OXR1: variants seen among roughly 807,000 people sequenced by gnomAD.
OXR1 encodes the protein oxidation resistance protein 1.
In OXR1, 41 loss-of-function variants were observed where a neutral mutation model predicts 104.6. The observed-to-expected ratio is 0.39, with a 90% CI of 0.31 to 0.51. The LOEUF is 0.51. Ranked by LOEUF, OXR1 falls within the 20% of genes least tolerant of loss-of-function variation. The pLI, the probability that OXR1 is intolerant of heterozygous loss-of-function variation, is 0.77. For synonymous variants in OXR1, 348 were observed against 348.4 expected, an observed-to-expected ratio of 1.00 and a Z score of 0.01; for missense variants, 955 against 1,031.9, an observed-to-expected ratio of 0.93 and a Z score of 1.02.
intron 3 of OXR1, among the ~76,000 whole-genome samples, chr8:106,598,741 A>C (rs1379757455): frequency 2.0e-5 from 3 of 152,258 alleles, no homozygotes; most frequent in Non-Finnish European, 2.9e-5. Context: ...ATTCATATTT[A>C]CATAGTCCAG....
intron 2 of OXR1, among the ~76,000 whole-genome samples, chr8:106,449,125 T>TA (rs779523297): frequency 2.6e-5 from 4 of 152,142 alleles, no homozygotes; most frequent in Non-Finnish European, 5.9e-5. Context: ...AAACTTAATT[T>TA]AAAAAATATA....
chr8:106,275,715 G>A (rs182394214), intron 1 of OXR1, among the ~76,000 whole-genome samples: 1 of 152,268 alleles, frequency 6.6e-6, no homozygotes. Flanking sequence ...TATTGTGCCA[G>A]CTGGAAGGAG....
In OXR1 at chr8:106,752,656, G is replaced by A. The variant is rs765540732; in HGVS notation, c.*1715G>A. ...GGATTTCTACTAAAATAAGGTCATA[G>A]TGGCATATACCAAATAAAATCAAAT... On this transcript the variant is annotated 3_prime_UTR_variant, in exon 17 of 17. Coordinates refer to ENST00000517566, the MANE Select transcript of OXR1 (RefSeq NM_001198533.2). The A allele has an allele frequency of 5.9e-5, 9 of 152,386 alleles. No homozygotes were observed. Among genetic ancestry groups the A allele is most frequent in the Non-Finnish European group, 1.5e-5 (1 of 67,936 alleles). 9.4% of individuals were successfully genotyped at this position (152,386 alleles called of 1,614,324 possible). A position where few individuals can be genotyped will look rare whatever the true frequency, so the allele number is the denominator to read the frequency against.
chr8:106,752,064 G>C lies in OXR1; in HGVS notation c.*1123G>C, dbSNP rs1835922861. The C allele has an allele frequency of 1.3e-5, 2 of 152,518 alleles. No homozygotes were observed. The highest frequency in any genetic ancestry group is 1.3e-4 in the Admixed American group (2 of 15,280). The allele number at this position is 152,518 out of a possible 1,614,324, so 9.4% of individuals were successfully genotyped here. On this transcript the variant is annotated 3_prime_UTR_variant, in exon 17 of 17. Coordinates refer to ENST00000517566, the MANE Select transcript of OXR1 (RefSeq NM_001198533.2). ...CTAGTAGTTCTTATCCTCTTTTGTA[G>C]GAAACCAATAATAGCCATTGTGGCA...
At chr8:106,279,856 G>A (rs1403679601) in intron 1 of OXR1, among the ~76,000 whole-genome samples, 2 of 152,194 alleles carry the variant, frequency 1.3e-5, no homozygotes, top group African/African-American at 4.8e-5. Flanking sequence ...GGATGGTTAT[G>A]GAGGAGTTCA....
In OXR1 at chr8:106,739,608, T is replaced by C. The variant is rs374340836; in HGVS notation, c.2163+25T>C. 70 of 1,610,032 alleles carry C rather than the reference T, an allele frequency of 4.3e-5. 1 individual carries two copies. Among genetic ancestry groups the C allele is most frequent in the African/African-American group, 2.4e-4 (18 of 74,966 alleles). The stretch of plus-strand genomic sequence containing the variant: ...GGTATGACATGCTCACATATGTGCA[T>C]TTCTGAGTGTGAGTGTGTACCCATG... On this transcript the variant is annotated intron_variant, in intron 13 of 16. Transcript: ENST00000517566.
chr8:106,604,371 G>T (rs1244170383), intron 3 of OXR1, among the ~76,000 whole-genome samples: 1 of 152,108 alleles, frequency 6.6e-6, no homozygotes, highest in African/African-American at 2.4e-5. Flanking sequence ...GTCCAAGCTG[G>T]TCTCAAACTC....
At chr8:106,712,920 C>CATTTTATT (rs1831845284) in intron 10 of OXR1, among the ~76,000 whole-genome samples, 1 of 151,852 alleles carries the variant, frequency 6.6e-6, no homozygotes, top group Admixed American at 6.6e-5. Context: ...TTTTAATATT[C>CATTTTATT]ATTCTTTTAT....
chr8:106,550,355 T>C (rs1815706041), intron 3 of OXR1, among the ~76,000 whole-genome samples: 1 of 152,170 alleles, frequency 6.6e-6, no homozygotes, highest in East Asian at 1.9e-4. Flanking sequence ...TGCAATTGAC[T>C]CATAGTTTTG....
chr8:106,549,969 A>G (rs1449233198), intron 3 of OXR1, among the ~76,000 whole-genome samples: 1 of 152,114 alleles, frequency 6.6e-6, no homozygotes, highest in Non-Finnish European at 1.5e-5. Context: ...ATACTTCTCA[A>G]CTCTTAGTGT....
intron 1 of OXR1, among the ~76,000 whole-genome samples, chr8:106,339,512 AAAAAAAAATATATATATATATAT>A (rs1405631290): frequency 7.3e-5 from 3 of 41,100 alleles, no homozygotes; most frequent in African/African-American, 4.9e-4. Flanking sequence ...AAAAAAAAAA[AAAAAAAAATATATATATATATAT>A]ATATATATAT....
rs187938459 is a variant in OXR1 at position 106,525,870 on chromosome 8, C to T, written c.220+6731C>T. 2.6e-5 allele frequency among the ~76,000 whole-genome samples: 4 copies of T among 152,330 alleles called. No individual in the cohort carries two copies. In the East Asian group the frequency reaches 7.7e-4, roughly 29 times the overall value. On this transcript the variant is annotated intron_variant, in intron 3 of 16. Transcript: ENST00000517566. Reference sequence around the variant, plus strand: ...CACTGTAACACCTTCTTGTAAGACACAGTCTACGATTAATCATCCAATGTT... The same window carrying T: ...CACTGTAACACCTTCTTGTAAGACATAGTCTACGATTAATCATCCAATGTT...
chr8:106,437,095 C>G lies in OXR1; in HGVS notation c.23+77459C>G, dbSNP rs137968067. ...TTCATAAGGCTCCAAAATACTTTCT[C>G]TTACCCTTTATGCTGTCTTTTATCT... On this transcript the variant is annotated intron_variant, in intron 2 of 16. Transcript: ENST00000517566. 2.9e-3 allele frequency among the ~76,000 whole-genome samples: 438 copies of G among 152,256 alleles called. 4 individuals carry two copies. Among genetic ancestry groups the G allele is most frequent in the African/African-American group, 9.7e-3 (405 of 41,546 alleles).
chr8:106,578,193 G>T (rs1283801766), intron 3 of OXR1, among the ~76,000 whole-genome samples: 2 of 152,144 alleles, frequency 1.3e-5, no homozygotes, highest in Non-Finnish European at 2.9e-5. Flanking sequence ...CATGTGCAGG[G>T]TTCCTTCTCT....
chr8:106,346,104 C>T (rs561528631), intron 1 of OXR1, among the ~76,000 whole-genome samples: 3 of 150,574 alleles, frequency 2.0e-5, no homozygotes, highest in Non-Finnish European at 4.4e-5. Flanking sequence ...TTCCACCCCC[C>T]CTACCGCCGC....
intron 2 of OXR1, among the ~76,000 whole-genome samples, chr8:106,505,427 A>G (rs570462300): frequency 6.6e-6 from 1 of 152,328 alleles, no homozygotes; most frequent in East Asian, 1.9e-4. Context: ...TGACTTCTAA[A>G]AGACACTCCC....
At chr8:106,469,577 G>A (rs1430927463) in intron 2 of OXR1, among the ~76,000 whole-genome samples, 2 of 151,802 alleles carry the variant, frequency 1.3e-5, no homozygotes, top group Non-Finnish European at 2.9e-5. Flanking sequence ...TGAATGCTTG[G>A]CTAGGGTTGA....
At chr8:106,418,164 G>A (rs934724158) in intron 2 of OXR1, among the ~76,000 whole-genome samples, 2 of 151,990 alleles carry the variant, frequency 1.3e-5, no homozygotes, top group African/African-American at 2.4e-5. Flanking sequence ...CACTGAAGAG[G>A]AAGTTCATTT....
intron 1 of OXR1, among the ~76,000 whole-genome samples, chr8:106,350,127 G>A (rs1291001213): frequency 6.6e-6 from 1 of 152,168 alleles, no homozygotes; most frequent in Non-Finnish European, 1.5e-5. Flanking sequence ...GAACCAGTAA[G>A]AGGCAGACAT....
Sources: allele counts gnomAD v4.1 joint callset (sites outside exome capture counted in the v4.1 genomes callset), GRCh38; gene constraint gnomAD v4.1.1; transcripts MANE v1.5; gene names NCBI Gene and HGNC (gene_info 2026-07-23, HGNC 2026-07-21).